ZNF385D: variants seen among roughly 807,000 people sequenced by gnomAD.
ZNF385D encodes the protein zinc finger protein 659.
A neutral mutation model predicts 35.8 loss-of-function variants in ZNF385D; 15 were observed. That is an observed-to-expected ratio of 0.42 (90% CI 0.28 to 0.64). The LOEUF is 0.64. ZNF385D is among the 30% of genes least tolerant of loss of function. The pLI is 0.23. For missense variants in ZNF385D, 474 were observed against 494.6 expected (o/e 0.96, Z 0.39); for synonymous variants, 212 against 186.8 (o/e 1.13, Z -1.10).
chr3:22,189,640 A>T (rs1695882712), intron 2 of ZNF385D, among the ~76,000 whole-genome samples: 1 of 152,166 alleles, frequency 6.6e-6, no homozygotes, highest in Admixed American at 6.6e-5. Flanking sequence ...CTTTATTACT[A>T]CCTAGAAAGA....
intron 3 of ZNF385D, among the ~76,000 whole-genome samples, chr3:22,082,406 G>A (rs1241472943): frequency 6.6e-6 from 1 of 152,172 alleles, no homozygotes; most frequent in Non-Finnish European, 1.5e-5. Flanking sequence ...TATATTCCGT[G>A]CCTGGCTCTG....
chr3:22,239,307 C>T lies in ZNF385D; in HGVS notation c.107-70272G>A, dbSNP rs891595006. ...TGGTGCTTTCACGCTAAAATGGTAACATTGTGTAATTACAACAGAGACTCT... is the reference window on the plus strand; with the variant it reads ...TGGTGCTTTCACGCTAAAATGGTAATATTGTGTAATTACAACAGAGACTCT... On this transcript the variant is annotated intron_variant, in intron 2 of 5. Transcript: ENST00000494108. Among the ~76,000 whole-genome samples the T allele has an allele frequency of 2.6e-5, 4 of 150,962 alleles. 1 individual carries two copies. Among genetic ancestry groups the T allele is most frequent in the African/African-American group, 9.8e-5 (4 of 40,734 alleles).
chr3:22,050,374 A>C (rs1699276592), intron 3 of ZNF385D, among the ~76,000 whole-genome samples: 1 of 152,156 alleles, frequency 6.6e-6, no homozygotes, highest in African/African-American at 2.4e-5. Context: ...AAACAAACAA[A>C]CAAACAAACA....
At chr3:22,153,572 TTG>T (rs1252965436) in intron 3 of ZNF385D, among the ~76,000 whole-genome samples, 4 of 151,654 alleles carry the variant, frequency 2.6e-5, no homozygotes, top group Non-Finnish European at 5.9e-5. Context: ...CAAGCAATTC[TTG>T]TGTCTCAGCC....
chr3:21,446,125 A>G (rs1352342706), intron 4 of ZNF385D, among the ~76,000 whole-genome samples: 2 of 152,198 alleles, frequency 1.3e-5, no homozygotes, highest in African/African-American at 2.4e-5. Flanking sequence ...TGAGGTCTGA[A>G]TATTTGCATT....
intron 2 of ZNF385D, among the ~76,000 whole-genome samples, chr3:22,173,979 C>G (rs1694642818): frequency 6.6e-6 from 1 of 151,872 alleles, no homozygotes; most frequent in Non-Finnish European, 1.5e-5. Context: ...CTGATTCCTT[C>G]TATTTATTAT....
chr3:21,817,660 A>C (rs2125723857), intron 3 of ZNF385D, among the ~76,000 whole-genome samples: 1 of 152,322 alleles, frequency 6.6e-6, no homozygotes, highest in South Asian at 2.1e-4. Context: ...GAGATCATTA[A>C]AAAGTTGGGA....
At chr3:22,228,372 C>G (rs563250706) in intron 2 of ZNF385D, among the ~76,000 whole-genome samples, 1 of 152,054 alleles carries the variant, frequency 6.6e-6, no homozygotes, top group African/African-American at 2.4e-5. Context: ...CCCCTACCAA[C>G]CCCCCATGCA....
chr3:22,146,394 T>G (rs1284596113), intron 3 of ZNF385D, among the ~76,000 whole-genome samples: 1 of 152,160 alleles, frequency 6.6e-6, no homozygotes. Context: ...CAACAGTGGG[T>G]TGTATAGAAT....
At position 21,881,817 on chromosome 3, in the gene ZNF385D, C is replaced by A. The variant is rs548942979; in HGVS notation, c.326-216789G>T. Among the ~76,000 whole-genome samples the A allele has an allele frequency of 2.6e-4, 39 of 151,996 alleles. 1 individual carries two copies. Among genetic ancestry groups the A allele is most frequent in the African/African-American group, 9.2e-4 (38 of 41,506 alleles). On this transcript the variant is annotated intron_variant, in intron 3 of 5. Transcript: ENST00000494108. ...GAGCAGGTAAAAATATCAACATGAA[C>A]AAGAATTTGGAAAAAGTTGATTCCA...
chr3:21,612,082 T>C (rs2064697895), intron 2 of ZNF385D, among the ~76,000 whole-genome samples: 2 of 144,178 alleles, frequency 1.4e-5, no homozygotes. Flanking sequence ...GCAGTCATTA[T>C]TATTATTATT....
intron 3 of ZNF385D, among the ~76,000 whole-genome samples, chr3:21,978,539 G>A (rs925727666): frequency 5.9e-5 from 9 of 152,186 alleles, no homozygotes; most frequent in Non-Finnish European, 7.3e-5. Flanking sequence ...TCAGAGCTTA[G>A]AAGTTTGTCT....
At chr3:22,155,264 T>G (rs1003627831) in intron 3 of ZNF385D, among the ~76,000 whole-genome samples, 3 of 152,096 alleles carry the variant, frequency 2.0e-5, no homozygotes, top group Non-Finnish European at 4.4e-5. Flanking sequence ...GGTAAAGAAA[T>G]TATTTCAGAA....
At chr3:22,207,521 T>C (rs1246690749) in intron 2 of ZNF385D, among the ~76,000 whole-genome samples, 1 of 151,916 alleles carries the variant, frequency 6.6e-6, no homozygotes, top group Admixed American at 6.6e-5. Flanking sequence ...CTTCCACACA[T>C]TGGACTGGGC....
chr3:22,274,473 C>G (rs761475498), intron 2 of ZNF385D, among the ~76,000 whole-genome samples: 10 of 151,886 alleles, frequency 6.6e-5, no homozygotes, highest in Non-Finnish European at 1.5e-4. Context: ...GTATTAGGCT[C>G]TGAGGAAGCA....
intron 3 of ZNF385D, among the ~76,000 whole-genome samples, chr3:21,909,180 G>T (rs544993306): frequency 6.6e-6 from 1 of 151,944 alleles, no homozygotes; most frequent in South Asian, 2.1e-4. Context: ...ACATAAGTTC[G>T]TCCAAATATA....
At chr3:21,925,297 C>G (rs1373671012) in intron 3 of ZNF385D, among the ~76,000 whole-genome samples, 1 of 152,200 alleles carries the variant, frequency 6.6e-6, no homozygotes, top group East Asian at 1.9e-4. Context: ...AGAAGGATGG[C>G]CACACAGATC....
At chr3:22,323,884 C>T (rs965798757) in intron 2 of ZNF385D, among the ~76,000 whole-genome samples, 17 of 152,150 alleles carry the variant, frequency 1.1e-4, no homozygotes, top group African/African-American at 3.9e-4. Flanking sequence ...ATAACTAATA[C>T]TTGGTAAAGC....
At chr3:21,500,054 C>A (rs1162352918) in intron 4 of ZNF385D, among the ~76,000 whole-genome samples, 1 of 152,182 alleles carries the variant, frequency 6.6e-6, no homozygotes, top group Non-Finnish European at 1.5e-5. Flanking sequence ...AGTGATGAAT[C>A]TGAATGCAAT....
Sources: allele counts gnomAD v4.1 joint callset (sites outside exome capture counted in the v4.1 genomes callset), GRCh38; gene constraint gnomAD v4.1.1; transcripts MANE v1.5; gene names NCBI Gene and HGNC (gene_info 2026-07-23, HGNC 2026-07-21).